BUB3: variants seen among roughly 807,000 people sequenced by gnomAD.
The protein encoded by BUB3 is mitotic checkpoint protein BUB3.
BUB3 carries 22 observed loss-of-function variants against 39.9 expected under a neutral mutation model. The observed-to-expected ratio is 0.55, with a 90% CI of 0.39 to 0.79. The LOEUF (loss-of-function observed/expected upper bound fraction) is 0.79. Ranked by LOEUF, BUB3 falls within the 30% of genes least tolerant of loss-of-function variation. The pLI is 0.00. For missense variants in BUB3, 303 were observed against 415.4 expected (o/e 0.73, Z 2.35); for synonymous variants, 168 against 155.1 (o/e 1.08, Z -0.62).
intron 3 of BUB3, among the ~76,000 whole-genome samples, chr10:123,156,851 A>G (rs188974425): frequency 2.6e-5 from 4 of 151,088 alleles, no homozygotes; most frequent in Admixed American, 2.0e-4. Flanking sequence ...CATTCAGGCA[A>G]TTCTGCCTCA....
rs1177612492 is a variant in BUB3, at chr10:123,167,700, C to G, written c.*3865C>G. ...TGTCTTAGAAGTGATATGTTTACTG[C>G]AGAAAAATTTGGATAGCATGCAAAA... On this transcript the variant is annotated 3_prime_UTR_variant, in exon 8 of 8. Transcript: ENST00000368865. 2 of 152,088 alleles carry G rather than the reference C, an allele frequency of 1.3e-5. No homozygotes were observed. The highest frequency in any genetic ancestry group is 6.5e-5 in the Admixed American group (1 of 15,270). 9.4% of individuals were successfully genotyped at this position (152,088 alleles called of 1,614,324 possible).
intron 1 of BUB3, 176 bp from the exon 2 acceptor site, chr10:123,154,742 G>A: frequency 3.0e-6 from 2 of 664,656 alleles, no homozygotes; most frequent in Non-Finnish European, 4.8e-6. Context: ...GGCGGGGGCC[G>A]GATGATGGGG....
rs1163706841 is a variant in BUB3, at chr10:123,164,979, T to A, written c.*1144T>A. On this transcript the variant is annotated 3_prime_UTR_variant, in exon 8 of 8. Transcript: ENST00000368865. ...ATACAGAGAAGGGTCTTTTTTTTTT[T>A]AAGTATTTCAGTGAAAACTTGGTGT... The A allele has an allele frequency of 1.1e-5, 17 of 1,483,932 alleles. No individual in the cohort carries two copies. The highest frequency in any genetic ancestry group is 1.5e-5 in the Non-Finnish European group (16 of 1,100,106). 91.9% of individuals were successfully genotyped at this position (1,483,932 alleles called of 1,614,324 possible).
At chr10:123,160,982 C>G (rs1490253189) in intron 5 of BUB3, among the ~76,000 whole-genome samples, 1 of 151,972 alleles carries the variant, frequency 6.6e-6, no homozygotes. Context: ...CTTTTTGTAA[C>G]CCTAATGCTT....
In BUB3 at chr10:123,167,357, C is replaced by G. The variant is rs1277439684; in HGVS notation, c.*3522C>G. 4 of 152,188 alleles carry G rather than the reference C, an allele frequency of 2.6e-5. No individual in the cohort carries two copies. Among genetic ancestry groups the G allele is most frequent in the African/African-American group, 4.8e-5 (2 of 41,432 alleles). 9.4% of individuals were successfully genotyped at this position (152,188 alleles called of 1,614,324 possible). A position where few individuals can be genotyped will look rare whatever the true frequency, so the allele number is the denominator to read the frequency against. ...CCCCCTTTTCCATGAAGCCCTTCTT[C>G]CTTGTTGCAGCTCACAAATAAGTGT... is the stretch of plus-strand genomic sequence containing the variant. On this transcript the variant is annotated 3_prime_UTR_variant, in exon 8 of 8. Coordinates refer to ENST00000368865, the MANE Select transcript of BUB3 (RefSeq NM_004725.4).
In BUB3 at chr10:123,155,866, T is replaced by A. The variant is rs3729497; in HGVS notation, c.265+139T>A. 3,993 of 704,224 alleles carry A rather than the reference T, an allele frequency of 5.7e-3. 137 individuals are homozygous for A. The highest frequency in any genetic ancestry group is 0.054 in the Admixed American group (2,046 of 37,682). The allele number at this position is 704,224 out of a possible 1,614,324, so 43.6% of individuals were successfully genotyped here. A position where few individuals can be genotyped will look rare whatever the true frequency, so the allele number is the denominator to read the frequency against. On this transcript the variant is annotated intron_variant, in intron 3 of 7. Transcript: ENST00000368865. ...AGGTGGCTTGAATTTAGGATTTTTT[T>A]AATTTAAATGATAACCATTAAGTTA...
At chr10:123,163,726 G>C (rs1844453057) in intron 7 of BUB3, 94 bp from the exon 8 acceptor site, 2 of 1,114,878 alleles carry the variant, frequency 1.8e-6, no homozygotes, top group African/African-American at 3.2e-5. Context: ...TTGGATAAAG[G>C]GCTGTGTTTG....
In BUB3 at chr10:123,168,247, G is replaced by C. The variant is rs1185834445; in HGVS notation, c.*4412G>C. On this transcript the variant is annotated 3_prime_UTR_variant, in exon 8 of 8. Transcript: ENST00000368865. ...GGAGGCAGCTACTTTTAACATTCTT[G>C]GTGTATATCCATCCTTCAGGATTTT... 1.3e-5 allele frequency: 2 copies of C among 152,104 alleles called. No individual in the cohort carries two copies. Among genetic ancestry groups the C allele is most frequent in the Non-Finnish European group, 2.9e-5 (2 of 68,018 alleles). The allele number at this position is 152,104 out of a possible 1,614,324, so 9.4% of individuals were successfully genotyped here.
In BUB3 at chr10:123,165,056, A is replaced by G. The variant is rs750432366; in HGVS notation, c.*1221A>G. The stretch of plus-strand genomic sequence containing the variant: ...ATTTTCTTCATTGCAGGTCCACCTA[A>G]TCATCCTGTGAAAGTGGTTTCTCTA... On this transcript the variant is annotated 3_prime_UTR_variant, in exon 8 of 8. Coordinates refer to ENST00000368865, the MANE Select transcript of BUB3 (RefSeq NM_004725.4). The G allele has an allele frequency of 3.1e-6, 5 of 1,612,372 alleles. No homozygotes were observed. In the East Asian group the frequency reaches 6.7e-5, roughly 22 times the overall value.
chr10:123,160,642 C>G (rs769246880), intron 5 of BUB3, 77 bp downstream of exon 5: 2 of 1,271,468 alleles, frequency 1.6e-6, no homozygotes, highest in East Asian at 2.7e-5. Flanking sequence ...TGGCCACTAG[C>G]CCCTAAAGCC....
chr10:123,157,547 G>A (rs531022271), intron 3 of BUB3, among the ~76,000 whole-genome samples, 182 bp from the exon 4 acceptor site: 3 of 152,346 alleles, frequency 2.0e-5, no homozygotes, highest in African/African-American at 7.2e-5. Flanking sequence ...GAACAGAGAG[G>A]AACGGATAAC....
intron 4 of BUB3, among the ~76,000 whole-genome samples, chr10:123,158,497 C>T (rs767080331): frequency 1.3e-5 from 2 of 152,188 alleles, no homozygotes; most frequent in Non-Finnish European, 2.9e-5. Flanking sequence ...CCTTCTGTAT[C>T]CTCATCAGAC....
rs771328391 is a variant in BUB3, at chr10:123,165,021, T to G, written c.*1186T>G. 1 of 1,612,954 alleles carries G rather than the reference T, an allele frequency of 6.2e-7. No individual in the cohort carries two copies. The highest frequency in any genetic ancestry group is 8.5e-7 in the Non-Finnish European group (1 of 1,179,648). On this transcript the variant is annotated 3_prime_UTR_variant, in exon 8 of 8. Coordinates refer to ENST00000368865, the MANE Select transcript of BUB3 (RefSeq NM_004725.4). ...ACTTGGTGTAAGTCTGAACCCATCT[T>G]TTGAAATGTATTTTCTTCATTGCAG...
rs1416847534 is a variant in BUB3, at chr10:123,166,970, A to G, written c.*3135A>G. On this transcript the variant is annotated 3_prime_UTR_variant, in exon 8 of 8. Coordinates refer to ENST00000368865, the MANE Select transcript of BUB3 (RefSeq NM_004725.4). ...TTATCTGTTAAACTCCTGCTTTGCC[A>G]AAGGTATCTTCTATACCCTAATAAC... 6.6e-6 allele frequency: 1 copy of G among 152,260 alleles called. No individual in the cohort carries two copies. The highest frequency in any genetic ancestry group is 1.5e-5 in the Non-Finnish European group (1 of 68,062). 9.4% of individuals were successfully genotyped at this position (152,260 alleles called of 1,614,324 possible).
Position 123,169,103 on chromosome 10 carries a change from A to ATGTGGC in BUB3, c.*5271_*5276dup, listed in dbSNP as rs1844523576. 2 of 152,396 alleles carry ATGTGGC rather than the reference A, an allele frequency of 1.3e-5. No homozygotes were observed. Among genetic ancestry groups the ATGTGGC allele is most frequent in the South Asian group, 4.1e-4 (2 of 4,832 alleles). 9.4% of individuals were successfully genotyped at this position (152,396 alleles called of 1,614,324 possible). A position where few individuals can be genotyped will look rare whatever the true frequency, so the allele number is the denominator to read the frequency against. ...CAGGTATCATGTGGGCAGGTGCTCC[A>ATGTGGC]TGTGGCTGGTGATAGTTGTGAGTGA... On this transcript the variant is annotated 3_prime_UTR_variant, in exon 8 of 8. Coordinates refer to ENST00000368865, the MANE Select transcript of BUB3 (RefSeq NM_004725.4).
intron 7 of BUB3, chr10:123,163,100 A>G (rs916324896): frequency 3.1e-5 from 12 of 388,588 alleles, no homozygotes; most frequent in Admixed American, 4.8e-5. Context: ...CTCTGGAGTT[A>G]TTACCAGCTC....
chr10:123,164,678 C>T lies in BUB3; in HGVS notation c.*843C>T. On this transcript the variant is annotated 3_prime_UTR_variant, in exon 8 of 8. Coordinates refer to ENST00000368865, the MANE Select transcript of BUB3 (RefSeq NM_004725.4). ...ACATTAATGAGGTTTACATATTTCT[C>T]TGACATTTATATAGTTCTTATGTCC... 9.9e-7 allele frequency: 1 copy of T among 1,013,758 alleles called. No homozygotes were observed. Among genetic ancestry groups the T allele is most frequent in the Non-Finnish European group, 1.2e-6 (1 of 848,442 alleles). The allele number at this position is 1,013,758 out of a possible 1,614,324, so 62.8% of individuals were successfully genotyped here.
intron 5 of BUB3, among the ~76,000 whole-genome samples, chr10:123,161,099 G>A (rs1439171985): frequency 4.0e-5 from 6 of 151,838 alleles, no homozygotes; most frequent in African/African-American, 1.5e-4. Flanking sequence ...GACTCTTGAT[G>A]TACAGGGTGG....
In BUB3 at chr10:123,166,442, T is replaced by C. The variant is rs997720837; in HGVS notation, c.*2607T>C. ...TGACTTGCCCTTCTTGCATGCGATG[T>C]ATCTGGTGCATGTGTGCATTTTTTT... On this transcript the variant is annotated 3_prime_UTR_variant, in exon 8 of 8. Coordinates refer to ENST00000368865, the MANE Select transcript of BUB3 (RefSeq NM_004725.4). 2 of 152,196 alleles carry C rather than the reference T, an allele frequency of 1.3e-5. No homozygotes were observed. The highest frequency in any genetic ancestry group is 4.1e-4 in the South Asian group (2 of 4,830). The allele number at this position is 152,196 out of a possible 1,614,324, so 9.4% of individuals were successfully genotyped here.
Sources: gnomAD v4.1 joint callset for allele counts (sites outside exome capture counted in the v4.1 genomes callset) on GRCh38, gnomAD v4.1.1 for gene constraint, MANE v1.5 for transcripts, NCBI Gene and HGNC (gene_info 2026-07-23, HGNC 2026-07-21) for gene names.